GSE1: variants seen among roughly 807,000 people sequenced by gnomAD.
The protein encoded by GSE1 is genetic suppressor element 1.
GSE1 carries 32 observed loss-of-function variants against 112.6 expected under a neutral mutation model. The ratio of observed to expected loss-of-function variants is 0.28; its 90% CI spans 0.21 to 0.38. GSE1 has a LOEUF of 0.38. GSE1 is among the 10% of genes least tolerant of loss of function. The pLI, the probability that GSE1 is intolerant of heterozygous loss-of-function variation, is 1.00. For missense variants in GSE1, 2,348 were observed against 1,699.2 expected, an observed-to-expected ratio of 1.38 and a Z score of -6.71; for synonymous variants, 1,115 against 735.6, an observed-to-expected ratio of 1.52 and a Z score of -8.35.
At chr16:85,619,862 T>A (rs1382776735) in intron 1 of GSE1, among the ~76,000 whole-genome samples, 1 of 152,136 alleles carries the variant, frequency 6.6e-6, no homozygotes. Flanking sequence ...CTCCCTGTAG[T>A]CACACAGCTG....
chr16:85,224,991 C>G (rs1359328783), intron 1 of GSE1, among the ~76,000 whole-genome samples: 1 of 152,088 alleles, frequency 6.6e-6, no homozygotes, highest in Non-Finnish European at 1.5e-5. Context: ...ATTAGCTGGG[C>G]ATGATGGCAT....
upstream of GSE1, among the ~76,000 whole-genome samples, chr16:85,608,720 G>C (rs2047825630): frequency 6.6e-6 from 1 of 152,240 alleles, no homozygotes; most frequent in African/African-American, 2.4e-5. Context: ...CTGCCTTGCA[G>C]GGCCGGGAGG....
intron 1 of GSE1, among the ~76,000 whole-genome samples, chr16:85,295,816 G>C (rs914467740): frequency 6.7e-6 from 1 of 149,420 alleles, no homozygotes; most frequent in African/African-American, 2.5e-5. Flanking sequence ...TGTTGCCCAG[G>C]CTGATCTGGA....
At chr16:85,544,758 G>A (rs1479189010) in intron 2 of GSE1, among the ~76,000 whole-genome samples, 1 of 152,252 alleles carries the variant, frequency 6.6e-6, no homozygotes, top group Non-Finnish European at 1.5e-5. Context: ...GACCCCAGCA[G>A]CGGACAGTGG....
chr16:85,434,332 T>TAAA (rs2049191771), intron 2 of GSE1, among the ~76,000 whole-genome samples: 1 of 147,476 alleles, frequency 6.8e-6, no homozygotes, highest in African/African-American at 2.5e-5. Flanking sequence ...ATAATAATAA[T>TAAA]AATAATAATA....
intron 1 of GSE1, among the ~76,000 whole-genome samples, chr16:85,582,339 TC>T (rs1296206888): frequency 2.0e-5 from 3 of 152,176 alleles, no homozygotes; most frequent in Non-Finnish European, 4.4e-5. Context: ...CGGGTGGAAC[TC>T]CACTGCAGAA....
At chr16:85,422,108 G>A (rs922422162) in intron 2 of GSE1, among the ~76,000 whole-genome samples, 7 of 152,224 alleles carry the variant, frequency 4.6e-5, no homozygotes, top group African/African-American at 1.4e-4. Flanking sequence ...GGCCATCATC[G>A]AACCCCCATG....
At chr16:85,511,067 C>A (rs939819148) in intron 2 of GSE1, among the ~76,000 whole-genome samples, 1 of 152,238 alleles carries the variant, frequency 6.6e-6, no homozygotes, top group African/African-American at 2.4e-5. Context: ...TTTCTTCACT[C>A]CTATGTCCTC....
At chr16:85,506,826 T>C (rs1399634363) in intron 2 of GSE1, among the ~76,000 whole-genome samples, 4 of 152,146 alleles carry the variant, frequency 2.6e-5, no homozygotes, top group African/African-American at 9.7e-5. Context: ...GACGAAGCCT[T>C]TGTTCCCCCA....
At chr16:85,394,382 G>C (rs2151652942) in intron 2 of GSE1, among the ~76,000 whole-genome samples, 1 of 152,178 alleles carries the variant, frequency 6.6e-6, no homozygotes, top group East Asian at 1.9e-4. Context: ...TAGAGGGAGA[G>C]TTCTCAAATA....
intron 2 of GSE1, among the ~76,000 whole-genome samples, chr16:85,358,314 C>A (rs2046995325): frequency 6.6e-6 from 1 of 152,204 alleles, no homozygotes; most frequent in Non-Finnish European, 1.5e-5. Flanking sequence ...TTTGGCTGGG[C>A]TTGGACATGT....
intron 2 of GSE1, among the ~76,000 whole-genome samples, chr16:85,504,823 T>G (rs1334459436): frequency 1.6e-4 from 24 of 152,084 alleles, no homozygotes; most frequent in Non-Finnish European, 3.2e-4. Flanking sequence ...GGATGGGGGG[T>G]GCTCCAGGCC....
At chr16:85,648,111 A>G (rs2051033754) in intron 2 of GSE1, among the ~76,000 whole-genome samples, 1 of 151,732 alleles carries the variant, frequency 6.6e-6, no homozygotes, top group Non-Finnish European at 1.5e-5. Flanking sequence ...GGATGTCCAC[A>G]GGCCCTTGGT....
At chr16:85,626,396 C>T (rs952720507) in intron 1 of GSE1, among the ~76,000 whole-genome samples, 4 of 152,260 alleles carry the variant, frequency 2.6e-5, no homozygotes, top group South Asian at 2.1e-4. Flanking sequence ...GTTAGGGCCA[C>T]GGAAGCTTCG....
intron 2 of GSE1, among the ~76,000 whole-genome samples, chr16:85,536,984 G>A (rs2044351882): frequency 6.6e-6 from 1 of 152,194 alleles, no homozygotes; most frequent in Admixed American, 6.5e-5. Context: ...TGGTCATTGA[G>A]CCTTCCGGCC....
intron 1 of GSE1, among the ~76,000 whole-genome samples, chr16:85,176,690 C>G (rs74034155): frequency 6.6e-6 from 1 of 152,214 alleles, no homozygotes. Context: ...CAGCCTCTCA[C>G]TGTGGGGATG....
chr16:85,479,647 T>G (rs1358569491), intron 2 of GSE1, among the ~76,000 whole-genome samples: 3 of 152,092 alleles, frequency 2.0e-5, no homozygotes, highest in Admixed American at 1.3e-4. Flanking sequence ...ATTCGCTGAG[T>G]GTCGAGGTTT....
intron 2 of GSE1, among the ~76,000 whole-genome samples, chr16:85,479,516 C>G (rs2050607417): frequency 6.6e-6 from 1 of 152,040 alleles, no homozygotes; most frequent in African/African-American, 2.4e-5. Context: ...GTTGACCAGG[C>G]TGGTCTCAAG....
At chr16:85,660,462 C>G (rs1334339715) in intron 8 of GSE1, among the ~76,000 whole-genome samples, 1 of 152,064 alleles carries the variant, frequency 6.6e-6, no homozygotes, top group African/African-American at 2.4e-5. Flanking sequence ...CTTGGTGAAA[C>G]CCTATCTCTA....
Sources: allele counts gnomAD v4.1 joint callset (sites outside exome capture counted in the v4.1 genomes callset), GRCh38; gene constraint gnomAD v4.1.1; transcripts MANE v1.5; gene names NCBI Gene and HGNC (gene_info 2026-07-23, HGNC 2026-07-21).